HEY2: variants seen among roughly 807,000 people sequenced by gnomAD.
HEY2 encodes hes related family bHLH transcription factor with YRPW motif 2.
Under a neutral mutation model 18.1 loss-of-function variants are expected in HEY2, and 10 were observed. That is an observed-to-expected ratio of 0.55 (90% CI 0.34 to 0.94). The LOEUF is 0.94. HEY2 is among the 40% of genes least tolerant of loss of function. The pLI is 0.02. For synonymous variants in HEY2, 210 were observed against 182.7 expected, an observed-to-expected ratio of 1.15 and a Z score of -1.21; for missense variants, 455 against 455.9, an observed-to-expected ratio of 1.00 and a Z score of 0.02.
Position 125,751,808 on chromosome 6 carries a change from A to G in HEY2, c.91A>G (p.Thr31Ala), listed in dbSNP as rs149642297. Reference protein sequence around the residue: ...GSENNYSGQSTSSVIRLNSPT... With the variant: ...GSENNYSGQSASSVIRLNSPT... ...ACTCTTCTTATTTCATAGGCAAAGT[A>G]CTAGCTCTGTGATTAGATTGAATTC... Residue 31 changes from threonine to alanine, a missense_variant, in exon 2 of 5, where the codon ACT becomes GCT. By Grantham distance (58) the Thr-to-Ala change is moderately conservative. Coordinates refer to ENST00000368364, the MANE Select transcript of HEY2 (RefSeq NM_012259.3). The G allele has an allele frequency of 5.7e-5, 91 of 1,610,492 alleles. No homozygotes were observed. In the African/African-American group the frequency reaches 1.1e-3, roughly 19 times the overall value.
chr6:125,751,031 T>C (rs1773533917), intron 1 of HEY2, among the ~76,000 whole-genome samples: 1 of 152,260 alleles, frequency 6.6e-6, no homozygotes, highest in African/African-American at 2.4e-5. Flanking sequence ...ATACTTTGAT[T>C]GAACCTTCAA....
intron 1 of HEY2, chr6:125,750,130 C>A: frequency 2.1e-6 from 1 of 479,990 alleles, no homozygotes; most frequent in Non-Finnish European, 2.7e-6. Context: ...AGGGTCCTGG[C>A]TGTCACAGTT....
Position 125,760,539 on chromosome 6 carries a change from C to A in HEY2, c.*737C>A, listed in dbSNP as rs1224510761. 1.3e-5 allele frequency: 2 copies of A among 152,068 alleles called. No homozygotes were observed. Among genetic ancestry groups the A allele is most frequent in the Non-Finnish European group, 2.9e-5 (2 of 68,036 alleles). The allele number at this position is 152,068 out of a possible 1,614,324, so 9.4% of individuals were successfully genotyped here. A position where few individuals can be genotyped will look rare whatever the true frequency, so the allele number is the denominator to read the frequency against. On this transcript the variant is annotated 3_prime_UTR_variant, in exon 5 of 5. Coordinates refer to ENST00000368364, the MANE Select transcript of HEY2 (RefSeq NM_012259.3). ...GCATTTCTGCTCTGCCTGCAGGCCC[C>A]CAGGCACTTTTTTTTTTGGATGGCT... is the stretch of plus-strand genomic sequence containing the variant.
At position 125,759,586 on chromosome 6, in the gene HEY2, C is replaced by T. The variant is rs766659659; in HGVS notation, c.798C>T (p.Ala266=). The T allele has an allele frequency of 2.5e-6, 4 of 1,610,432 alleles. No homozygotes were observed. Among genetic ancestry groups the T allele is most frequent in the East Asian group, 2.2e-5 (1 of 44,874 alleles). Residue 266 remains alanine (A), a synonymous_variant, in exon 5 of 5, where the codon GCC becomes GCT. Coordinates refer to ENST00000368364, the MANE Select transcript of HEY2 (RefSeq NM_012259.3). ...TGTCCCTCTCTGCCACCGTCCACGC[C>T]GCAGCCGCAGCAGCCACCGCGGCTG... The part of the protein sequence containing the change: ...SLLSLSATVH[A]AAAAATAAAH...
chr6:125,760,546 CT>C lies in HEY2; in HGVS notation c.*754del, dbSNP rs532641564. On this transcript the variant is annotated 3_prime_UTR_variant, in exon 5 of 5. Transcript: ENST00000368364. ...TGCTCTGCCTGCAGGCCCCCAGGCA[CT>C]TTTTTTTTTGGATGGCTCAAAATAT... The C allele has an allele frequency of 7.6e-4, 113 of 149,356 alleles. No individual in the cohort carries two copies. The South Asian group carries it at 0.017, about 22-fold the overall frequency. The allele number at this position is 149,356 out of a possible 1,614,324, so 9.3% of individuals were successfully genotyped here.
In HEY2 at chr6:125,759,391, C is replaced by G. The variant is rs1201842582; in HGVS notation, c.603C>G (p.Gly201=). The G allele has an allele frequency of 1.9e-6, 3 of 1,608,804 alleles. No individual in the cohort carries two copies. In the African/African-American group the frequency reaches 4.0e-5, roughly 21 times the overall value. The change falls in exon 5 of 5, where the codon GGC becomes GGG. Residue 201 remains glycine (G), a synonymous_variant. Transcript: ENST00000368364. ...CCGCAGCCCTGCTCCAGCCCAACGGCCTCCATGCCTCAGAGTCAACCCCTT... is the reference window on the plus strand; with the variant it reads ...CCGCAGCCCTGCTCCAGCCCAACGGGCTCCATGCCTCAGAGTCAACCCCTT... ...HLPAALLQPN[G]LHASESTPCR... is the part of the protein sequence containing the mutation.
At position 125,754,633 on chromosome 6, in the gene HEY2, A is replaced by G. The variant is rs964975707; in HGVS notation, c.328+87A>G. 1.2e-5 allele frequency: 8 copies of G among 647,514 alleles called. No homozygotes were observed. In the African/African-American group the frequency reaches 1.3e-4, roughly 11 times the overall value. 40.1% of individuals were successfully genotyped at this position (647,514 alleles called of 1,614,324 possible). ...TTCCCCCTAATATTGTAAGGAAGTC[A>G]TAGCTGAACAGTTCTTTAACAAGCT... is the stretch of plus-strand genomic sequence containing the variant. On this transcript the variant is annotated intron_variant, in intron 4 of 4. Transcript: ENST00000368364.
Position 125,759,507 on chromosome 6 carries a change from T to G in HEY2, c.719T>G (p.Met240Arg). The G allele has an allele frequency of 6.2e-7, 1 of 1,611,342 alleles. No homozygotes were observed. Among genetic ancestry groups the G allele is most frequent in the South Asian group, 1.1e-5 (1 of 91,088 alleles). Residue 240 changes from methionine (M) to arginine (R), a missense_variant, in exon 5 of 5, where the codon ATG becomes AGG. Coordinates refer to ENST00000368364, the MANE Select transcript of HEY2 (RefSeq NM_012259.3). ...GCCCATGCGGATTCAGCCCTCCGAA[T>G]GCCATCCACGGGCAGCGTCGCCCCC... ...TFAHADSALRMPSTGSVAPCV... is the reference protein window; with the variant it reads ...TFAHADSALRRPSTGSVAPCV...
Position 125,759,310 on chromosome 6 carries a change from C to CCACCACCATCATCCG in HEY2, c.524_538dup (p.His175_Pro179dup), listed in dbSNP as rs1562712124. On this transcript the variant is annotated inframe_insertion, in exon 5 of 5. Coordinates refer to ENST00000368364, the MANE Select transcript of HEY2 (RefSeq NM_012259.3). ...CGGCGGCCATGACATCCTCCATGGC[C>CCACCACCATCATCCG]CACCACCATCATCCGCTCCACCCGC... The CCACCACCATCATCCG allele has an allele frequency of 6.2e-7, 1 of 1,605,762 alleles. No homozygotes were observed. The highest frequency in any genetic ancestry group is 1.7e-5 in the Admixed American group (1 of 59,952).
intron 4 of HEY2, among the ~76,000 whole-genome samples, chr6:125,755,861 G>A (rs972836458): frequency 9.2e-5 from 14 of 152,196 alleles, no homozygotes; most frequent in African/African-American, 2.9e-4. Context: ...AAAAAAGTCT[G>A]GGCTGCACTT....
rs756510705 is a variant in HEY2 at position 125,759,831 on chromosome 6, C to G, written c.*29C>G. ...TTTCTTGAACTTCTTGCAATAGTAA[C>G]TGAATGTCCTCCATTTCAGAGTCAG... On this transcript the variant is annotated 3_prime_UTR_variant, in exon 5 of 5. Coordinates refer to ENST00000368364, the MANE Select transcript of HEY2 (RefSeq NM_012259.3). 5 of 1,574,324 alleles carry G rather than the reference C, an allele frequency of 3.2e-6. No homozygotes were observed. In the South Asian group the frequency reaches 5.6e-5, roughly 18 times the overall value.
chr6:125,750,322 G>A (rs1047603023), intron 1 of HEY2: 4 of 985,274 alleles, frequency 4.1e-6, no homozygotes, highest in Non-Finnish European at 4.8e-6. Context: ...TCAAGGCTAC[G>A]TAGGTTGAAC....
Position 125,759,936 on chromosome 6 carries a change from A to C in HEY2, c.*134A>C. The C allele has an allele frequency of 4.1e-6, 3 of 726,652 alleles. No individual in the cohort carries two copies. The South Asian group carries it at 5.7e-5, about 14-fold the overall frequency. The allele number at this position is 726,652 out of a possible 1,614,324, so 45.0% of individuals were successfully genotyped here. ...GGAACAATAAAGCTATTTGAGACAC[A>C]AACCTCACGAGTGGAAATGTGGTAT... On this transcript the variant is annotated 3_prime_UTR_variant, in exon 5 of 5. Transcript: ENST00000368364.
At chr6:125,756,369 A>G (rs972439668) in intron 4 of HEY2, among the ~76,000 whole-genome samples, 1 of 152,150 alleles carries the variant, frequency 6.6e-6, no homozygotes, top group Non-Finnish European at 1.5e-5. Context: ...AGAGTTTCAG[A>G]CCAGCCTGAC....
intron 3 of HEY2, 60 bp downstream of exon 3, chr6:125,752,150 CA>C: frequency 1.2e-6 from 1 of 826,176 alleles, no homozygotes; most frequent in Non-Finnish European, 1.9e-6. Flanking sequence ...AAAAAAAGCT[CA>C]AACACAATCT....
chr6:125,759,018 G>GA (rs1773723164), intron 4 of HEY2, 99 bp from the exon 5 acceptor site: 1 of 798,560 alleles, frequency 1.3e-6, no homozygotes, highest in African/African-American at 1.7e-5. Context: ...GGACAGAGTG[G>GA]AACATCAGTG....
Position 125,759,146 on chromosome 6 carries a change from G to C in HEY2, c.358G>C (p.Asp120His). ...CTTTGACGCACACGCTCTTGCCATG[G>C]ACTTCATGAGCATAGGATTCCGAGA... ...GYFDAHALAM[D>H]FMSIGFRECL... Residue 120 changes from aspartate (D) to histidine (H), a missense_variant, in exon 5 of 5, where the codon GAC becomes CAC. Asp to His is a moderately conservative substitution (Grantham distance 81, BLOSUM62 -1). Transcript: ENST00000368364. The C allele has an allele frequency of 1.2e-6, 2 of 1,610,430 alleles. No homozygotes were observed. Among genetic ancestry groups the C allele is most frequent in the East Asian group, 2.2e-5 (1 of 44,846 alleles).
chr6:125,750,118 G>T (rs1011869255), intron 1 of HEY2: 1 of 391,228 alleles, frequency 2.6e-6, no homozygotes, highest in South Asian at 1.1e-4. Flanking sequence ...AGTTGGCGAG[G>T]GAGGGTCCTG....
chr6:125,759,181 A>G lies in HEY2; in HGVS notation c.393A>G (p.Thr131=). The G allele has an allele frequency of 6.2e-7, 1 of 1,613,696 alleles. No homozygotes were observed. Among genetic ancestry groups the G allele is most frequent in the Non-Finnish European group, 8.5e-7 (1 of 1,179,958 alleles). ...FMSIGFRECL[T]EVARYLSSVE... is the part of the protein sequence containing the mutation. ...GCATAGGATTCCGAGAGTGCCTAAC[A>G]GAAGTTGCGCGGTACCTGAGCTCCG... Residue 131 remains threonine, a synonymous_variant, in exon 5 of 5, where the codon ACA becomes ACG. Coordinates refer to ENST00000368364, the MANE Select transcript of HEY2 (RefSeq NM_012259.3).
Sources: allele counts gnomAD v4.1 joint callset (sites outside exome capture counted in the v4.1 genomes callset), GRCh38; gene constraint gnomAD v4.1.1; transcripts MANE v1.5; gene names NCBI Gene and HGNC (gene_info 2026-07-23, HGNC 2026-07-21).